The following DIAPH2 variants were observed in gnomAD, a reference collection of about 807,000 sequenced individuals.
DIAPH2 encodes protein diaphanous homolog 2.
A neutral mutation model predicts 92.7 loss-of-function variants in DIAPH2; 35 were observed. That is an observed-to-expected ratio of 0.38 (90% CI 0.29 to 0.50). The LOEUF (loss-of-function observed/expected upper bound fraction) is 0.50, where lower values mean the gene tolerates loss of function less well. Ranked by LOEUF, DIAPH2 falls within the 20% of genes least tolerant of loss-of-function variation. DIAPH2 has a pLI of 0.94. For missense variants in DIAPH2, 701 were observed against 819.5 expected (o/e 0.86, Z 1.77); for synonymous variants, 301 against 280.4 (o/e 1.07, Z -0.73).
Position 97,181,922 on chromosome X carries a change from A to G in DIAPH2, c.2719+40128A>G, listed in dbSNP as rs148165146. 1.6e-4 allele frequency among the ~76,000 whole-genome samples: 18 copies of G among 112,574 alleles called. No homozygotes were observed. The East Asian group carries it at 5.0e-3, about 31-fold the overall frequency. On this transcript the variant is annotated intron_variant, in intron 22 of 26. Coordinates refer to ENST00000324765, the MANE Select transcript of DIAPH2 (RefSeq NM_006729.5). ...GGTGTGTTAATAGATCATATTCTGT[A>G]GGATAGTTATAGAAAGTTTTTAAGT...
intron 26 of DIAPH2, among the ~76,000 whole-genome samples, chrX:97,525,336 G>C (rs1278028120): frequency 1.8e-5 from 2 of 111,924 alleles, no homozygotes; most frequent in Non-Finnish European, 3.8e-5. Context: ...CCCCTGCCTG[G>C]ACTGCCCTCC....
chrX:97,382,121 T>G (rs2069555280), intron 24 of DIAPH2, among the ~76,000 whole-genome samples: 1 of 112,111 alleles, frequency 8.9e-6, no homozygotes, highest in African/African-American at 3.2e-5. Context: ...TTACCAAACA[T>G]TATATAGCTT....
intron 4 of DIAPH2, among the ~76,000 whole-genome samples, chrX:96,801,537 A>G (rs1444382513): frequency 9.0e-6 from 1 of 111,338 alleles, no homozygotes; most frequent in Admixed American, 9.6e-5. Flanking sequence ...TTTTAGATAA[A>G]ACATAAAGAC....
chrX:96,795,696 C>A (rs1416666098), intron 4 of DIAPH2, among the ~76,000 whole-genome samples: 1 of 111,514 alleles, frequency 9.0e-6, no homozygotes, highest in Non-Finnish European at 1.9e-5. Flanking sequence ...GATTGTACTT[C>A]TTTATCTTTG....
At chrX:96,999,623 A>C (rs2066129912) in intron 17 of DIAPH2, among the ~76,000 whole-genome samples, 1 of 110,741 alleles carries the variant, frequency 9.0e-6, no homozygotes, top group South Asian at 3.9e-4. Flanking sequence ...TTGAATAATG[A>C]GTTCCTTCAG....
intron 23 of DIAPH2, among the ~76,000 whole-genome samples, chrX:97,250,339 A>G (rs1481906589): frequency 8.9e-6 from 1 of 112,020 alleles, no homozygotes; most frequent in Non-Finnish European, 1.9e-5. Flanking sequence ...GCTGAAAAGC[A>G]TTCGTATGCC....
intron 22 of DIAPH2, among the ~76,000 whole-genome samples, chrX:97,170,821 C>CA (rs1315279397): frequency 9.1e-6 from 1 of 110,263 alleles, no homozygotes; most frequent in Non-Finnish European, 1.9e-5. Flanking sequence ...ATTTTCTAAA[C>CA]AAAAAATACA....
At chrX:97,470,553 T>G (rs1180150210) in intron 26 of DIAPH2, among the ~76,000 whole-genome samples, 1 of 110,842 alleles carries the variant, frequency 9.0e-6, no homozygotes, top group Admixed American at 9.7e-5. Context: ...TCCTGTGAGT[T>G]GTGTACCTGG....
chrX:97,460,568 A>G, intron 26 of DIAPH2, among the ~76,000 whole-genome samples: 1 of 112,257 alleles, frequency 8.9e-6, no homozygotes, highest in East Asian at 2.8e-4. Context: ...AGATAGATTC[A>G]TTTTTACAAG....
chrX:97,161,006 G>A (rs2067366244), intron 22 of DIAPH2, among the ~76,000 whole-genome samples: 1 of 107,201 alleles, frequency 9.3e-6, no homozygotes, highest in Non-Finnish European at 1.9e-5. Flanking sequence ...AAACTTTCTT[G>A]CAAACCACAT....
intron 1 of DIAPH2, among the ~76,000 whole-genome samples, chrX:96,708,297 C>T (rs1435275379): frequency 1.1e-5 from 1 of 93,121 alleles, no homozygotes; most frequent in Admixed American, 1.4e-4. Flanking sequence ...GGCTGGAGTG[C>T]AGTGGCGTGA....
intron 1 of DIAPH2, among the ~76,000 whole-genome samples, chrX:96,685,693 T>A (rs994273622): frequency 1.8e-5 from 2 of 111,899 alleles, no homozygotes; most frequent in Non-Finnish European, 3.8e-5. Flanking sequence ...TTACCAGAAA[T>A]CTCAGGAAGA....
chrX:97,282,390 A>G (rs914970630), intron 23 of DIAPH2, among the ~76,000 whole-genome samples: 2 of 111,376 alleles, frequency 1.8e-5, no homozygotes, highest in Non-Finnish European at 3.8e-5. Flanking sequence ...GCTCACTGCA[A>G]CCTCCGCCAC....
intron 22 of DIAPH2, among the ~76,000 whole-genome samples, chrX:97,161,043 G>GTTTTTTTTTTTTTTT (rs1376550732): frequency 2.4e-5 from 2 of 83,228 alleles, no homozygotes; most frequent in Middle Eastern, 7.9e-3. Context: ...TTTGTTTTTT[G>GTTTTTTTTTTTTTTT]TTTTTTTGTT....
At chrX:97,336,337 C>T (rs1471505262) in intron 23 of DIAPH2, among the ~76,000 whole-genome samples, 8 of 106,985 alleles carry the variant, frequency 7.5e-5, no homozygotes, top group Non-Finnish European at 1.2e-4. Context: ...CTCCGCCTCC[C>T]GGGTTCACGC....
intron 22 of DIAPH2, among the ~76,000 whole-genome samples, chrX:97,142,832 G>A (rs181052377): frequency 1.4e-3 from 151 of 111,275 alleles, no homozygotes; most frequent in Middle Eastern, 4.6e-3. Flanking sequence ...TTTTGGTAAG[G>A]ACTTCATATA....
intron 21 of DIAPH2, among the ~76,000 whole-genome samples, chrX:97,136,779 A>AT (rs1350225553): frequency 9.1e-6 from 1 of 110,316 alleles, no homozygotes; most frequent in African/African-American, 3.3e-5. Context: ...GGAGTCTTTG[A>AT]TTTTTCCCTT....
intron 17 of DIAPH2, among the ~76,000 whole-genome samples, chrX:96,999,306 A>G (rs775253381): frequency 9.1e-6 from 1 of 109,985 alleles, no homozygotes; most frequent in East Asian, 2.9e-4. Flanking sequence ...TGAGGTCAGG[A>G]GATCGAGACC....
chrX:97,284,763 TAG>T (rs199752398), intron 23 of DIAPH2, among the ~76,000 whole-genome samples: 10 of 109,318 alleles, frequency 9.1e-5, no homozygotes, highest in Admixed American at 3.0e-4. Context: ...TATTTGGAGT[TAG>T]AGAGAGAGAG....
Sources: allele counts gnomAD v4.1 joint callset (sites outside exome capture counted in the v4.1 genomes callset), GRCh38; gene constraint gnomAD v4.1.1; transcripts MANE v1.5; gene names NCBI Gene and HGNC (gene_info 2026-07-23, HGNC 2026-07-21).